ADAM23: variants seen among roughly 807,000 people sequenced by gnomAD.
ADAM23 encodes the protein ADAM metallopeptidase domain 23, also known as disintegrin and metalloproteinase domain-containing protein 23.
In ADAM23, 33 loss-of-function variants were observed where a neutral mutation model predicts 120.1. The observed-to-expected ratio is 0.27, with a 90% CI of 0.21 to 0.37. The LOEUF (loss-of-function observed/expected upper bound fraction) is 0.37. Ranked by LOEUF, ADAM23 falls within the 10% of genes least tolerant of loss-of-function variation. The pLI, the probability that ADAM23 is intolerant of heterozygous loss-of-function variation, is 1.00. For missense variants in ADAM23, 862 were observed against 1,058.2 expected, an observed-to-expected ratio of 0.81 and a Z score of 2.57; for synonymous variants, 367 against 375.2, an observed-to-expected ratio of 0.98 and a Z score of 0.25.
intron 3 of ADAM23, among the ~76,000 whole-genome samples, chr2:206,512,675 C>A (rs752096233): frequency 3.9e-5 from 6 of 151,984 alleles, no homozygotes; most frequent in Non-Finnish European, 8.8e-5. Flanking sequence ...GAGCAAAAAG[C>A]ATCTGGAAGT....
At chr2:206,592,821 A>G in intron 22 of ADAM23, 85 bp downstream of exon 22, 2 of 1,483,758 alleles carry the variant, frequency 1.3e-6, no homozygotes, top group East Asian at 4.7e-5. Flanking sequence ...TCAGAAATCA[A>G]AGATTTTTCT....
chr2:206,560,613 A>G (rs1697743740), intron 11 of ADAM23, among the ~76,000 whole-genome samples: 1 of 152,176 alleles, frequency 6.6e-6, no homozygotes, highest in South Asian at 2.1e-4. Flanking sequence ...CTACTAAGGA[A>G]AAAGGGTTCT....
chr2:206,563,427 T>C (rs1431218245), intron 13 of ADAM23, among the ~76,000 whole-genome samples: 1 of 152,216 alleles, frequency 6.6e-6, no homozygotes, highest in African/African-American at 2.4e-5. Context: ...ATCACAAGTG[T>C]CTGGTGGCAT....
At chr2:206,496,787 C>CT (rs1425202772) in intron 3 of ADAM23, among the ~76,000 whole-genome samples, 1 of 152,072 alleles carries the variant, frequency 6.6e-6, no homozygotes, top group Non-Finnish European at 1.5e-5. Flanking sequence ...AGAGAAGAAT[C>CT]AAATAGACAC....
chr2:206,492,775 C>G (rs796984408), intron 3 of ADAM23, among the ~76,000 whole-genome samples: 2 of 152,214 alleles, frequency 1.3e-5, no homozygotes, highest in African/African-American at 4.8e-5. Flanking sequence ...CCTGAAAAGA[C>G]CCCACCTCTT....
In ADAM23 at chr2:206,604,079, A is replaced by G. The variant is rs371418873; in HGVS notation, c.2360-5831A>G. ...CAGGAGTTCGAGACCAGCCTGGCCA[A>G]TATGGTGAAACCCTGTCTCTAACTA... On this transcript the variant is annotated intron_variant, in intron 24 of 25. Transcript: ENST00000264377. Among the ~76,000 whole-genome samples the G allele has an allele frequency of 1.9e-4, 29 of 152,236 alleles. No individual in the cohort carries two copies. In the South Asian group the frequency reaches 5.8e-3, roughly 30 times the overall value.
Position 206,469,959 on chromosome 2 carries a change from C to T in ADAM23, c.433-11273C>T, listed in dbSNP as rs561139037. Among the ~76,000 whole-genome samples, 48 of 152,328 alleles carry T rather than the reference C, an allele frequency of 3.2e-4. No homozygotes were observed. In the South Asian group the frequency reaches 6.8e-3, roughly 22 times the overall value. ...ACCATCCTATTTAAAACTATCACCT[C>T]TTTCTTCTAAAAACTCCCTAACTTA... On this transcript the variant is annotated intron_variant, in intron 2 of 25. Coordinates refer to ENST00000264377, the MANE Select transcript of ADAM23 (RefSeq NM_003812.4).
rs139490053 is a variant in ADAM23 at position 206,613,719 on chromosome 2, G to T, written c.2450+3719G>T. 2.5e-4 allele frequency among the ~76,000 whole-genome samples: 38 copies of T among 152,240 alleles called. No homozygotes were observed. The East Asian group carries it at 7.0e-3, about 28-fold the overall frequency. ...CTTTTACTGGACATTAGAAAAAGCA[G>T]GACCATTTTAGTAGCATCTTCCCTA... On this transcript the variant is annotated intron_variant, in intron 25 of 25. Transcript: ENST00000264377.
chr2:206,444,437 G>A (rs1190471055), intron 1 of ADAM23, among the ~76,000 whole-genome samples: 3 of 152,182 alleles, frequency 2.0e-5, no homozygotes, highest in South Asian at 2.1e-4. Context: ...ACCTTAATGT[G>A]AATGCGGGGA....
At chr2:206,595,388 G>A (rs1278250358) in intron 23 of ADAM23, among the ~76,000 whole-genome samples, 2 of 152,002 alleles carry the variant, frequency 1.3e-5, no homozygotes, top group African/African-American at 4.8e-5. Context: ...CATGCTGGTG[G>A]GTCCCTGGAG....
In ADAM23 at chr2:206,477,880, TAAAAAAAA is replaced by T. The variant is rs71034456; in HGVS notation, c.433-3341_433-3334del. On this transcript the variant is annotated intron_variant, in intron 2 of 25. Coordinates refer to ENST00000264377, the MANE Select transcript of ADAM23 (RefSeq NM_003812.4). ...TGGAAGAAGCAAGCCAATATTCTGT[TAAAAAAAA>T]AAAAAAAAAATATATATATATATAT... 5.6e-3 allele frequency among the ~76,000 whole-genome samples: 615 copies of T among 109,144 alleles called. 13 individuals are homozygous for T. The highest frequency in any genetic ancestry group is 0.022 in the African/African-American group (570 of 25,790). 71.6% of individuals were successfully genotyped at this position (109,144 alleles called of 152,430 possible).
chr2:206,568,894 A>T (rs772369296), intron 15 of ADAM23, among the ~76,000 whole-genome samples: 2 of 152,262 alleles, frequency 1.3e-5, no homozygotes, highest in Non-Finnish European at 2.9e-5. Context: ...CTACGTAGTC[A>T]GGAGATGGTG....
At chr2:206,547,608 C>T (rs1697426245) in intron 7 of ADAM23, 107 bp downstream of exon 7, 1 of 878,660 alleles carries the variant, frequency 1.1e-6, no homozygotes, top group East Asian at 2.7e-5. Flanking sequence ...GGTCTGATAT[C>T]AGGGGTGAAC....
chr2:206,620,663 G>A lies in ADAM23; in HGVS notation c.*3036G>A, dbSNP rs981686399. 2 of 152,018 alleles carry A rather than the reference G, an allele frequency of 1.3e-5. No individual in the cohort carries two copies. The highest frequency in any genetic ancestry group is 4.8e-5 in the African/African-American group (2 of 41,382). The allele number at this position is 152,018 out of a possible 1,614,324, so 9.4% of individuals were successfully genotyped here. On this transcript the variant is annotated 3_prime_UTR_variant, in exon 26 of 26. Coordinates refer to ENST00000264377, the MANE Select transcript of ADAM23 (RefSeq NM_003812.4). The stretch of plus-strand genomic sequence containing the variant: ...TTTGCTGCATTAATTAATGACACCC[G>A]GATGAGGAGACGTGCGCTAACTTCA...
intron 6 of ADAM23, among the ~76,000 whole-genome samples, chr2:206,547,169 C>T (rs1697416202): frequency 6.6e-6 from 1 of 152,020 alleles, no homozygotes; most frequent in African/African-American, 2.4e-5. Context: ...TTGTGAATTT[C>T]CCATTTATAG....
At position 206,595,989 on chromosome 2, in the gene ADAM23, T is replaced by G. The variant is rs984705003; in HGVS notation, c.2248-62T>G. ...TCCCTGCCCCCGTGTCTCTTTTACA[T>G]TTATCACTATTATTCTACAAAATAC... On this transcript the variant is annotated intron_variant, in intron 23 of 25. Coordinates refer to ENST00000264377, the MANE Select transcript of ADAM23 (RefSeq NM_003812.4). 3.9e-5 allele frequency: 52 copies of G among 1,324,732 alleles called. No homozygotes were observed. In the Admixed American group the frequency reaches 1.0e-3, roughly 27 times the overall value. 82.1% of individuals were successfully genotyped at this position (1,324,732 alleles called of 1,614,324 possible).
At chr2:206,562,123 G>A in intron 12 of ADAM23, 80 bp from the exon 13 acceptor site, 1 of 1,209,526 alleles carries the variant, frequency 8.3e-7, no homozygotes, top group Admixed American at 1.8e-5. Context: ...GAGAAGATTT[G>A]TGGTAACAAT....
At position 206,586,346 on chromosome 2, in the gene ADAM23, G is replaced by A. The variant is rs77521288; in HGVS notation, c.1738-979G>A. Among the ~76,000 whole-genome samples the A allele has an allele frequency of 1.9e-4, 29 of 152,298 alleles. 1 individual carries two copies. The East Asian group carries it at 4.8e-3, about 25-fold the overall frequency. On this transcript the variant is annotated intron_variant, in intron 18 of 25. Transcript: ENST00000264377. ...GCTATTACAGTAATCCAGGTGAGAG[G>A]TGGTGGTGGCTTGGACAGGGTGTGA...
At chr2:206,481,612 A>T (rs781280702) in intron 3 of ADAM23, among the ~76,000 whole-genome samples, 23 of 152,214 alleles carry the variant, frequency 1.5e-4, no homozygotes, top group Non-Finnish European at 2.6e-4. Flanking sequence ...AAGAAGCATG[A>T]TAAATTTACT....
Sources: allele counts gnomAD v4.1 joint callset (sites outside exome capture counted in the v4.1 genomes callset), GRCh38; gene constraint gnomAD v4.1.1; transcripts MANE v1.5; gene names NCBI Gene and HGNC (gene_info 2026-07-23, HGNC 2026-07-21).